GRIA3: variants seen among roughly 807,000 people sequenced by gnomAD.
GRIA3 encodes glutamate receptor 3.
In GRIA3, 3 loss-of-function variants were observed where a neutral mutation model predicts 63.0. The observed-to-expected ratio is 0.05, with a 90% confidence interval of 0.02 to 0.12. GRIA3 has a LOEUF of 0.12. Among genes scored for constraint, GRIA3 ranks in the 10% least tolerant of loss-of-function variants. The pLI, the probability that GRIA3 is intolerant of heterozygous loss-of-function variation, is 1.00. For synonymous variants in GRIA3, 274 were observed against 257.9 expected, an observed-to-expected ratio of 1.06 and a Z score of -0.60; for missense variants, 347 against 700.9, an observed-to-expected ratio of 0.50 and a Z score of 5.70.
intron 3 of GRIA3, among the ~76,000 whole-genome samples, chrX:123,270,437 C>A (rs2044514039): frequency 8.9e-6 from 1 of 112,330 alleles, no homozygotes; most frequent in African/African-American, 3.2e-5. Flanking sequence ...ACTGACAGCC[C>A]ACATAAATCT....
intron 5 of GRIA3, among the ~76,000 whole-genome samples, chrX:123,385,255 T>C (rs1219801991): frequency 8.9e-6 from 1 of 112,214 alleles, no homozygotes; most frequent in Non-Finnish European, 1.9e-5. Context: ...TTGAATAGGG[T>C]ATCCTTTCAC....
At chrX:123,299,857 G>C (rs373588926) in intron 3 of GRIA3, among the ~76,000 whole-genome samples, 45 of 111,391 alleles carry the variant, frequency 4.0e-4, no homozygotes, top group African/African-American at 1.1e-3. Context: ...TATGACATTG[G>C]CTGTGGGTTT....
chrX:123,236,995 G>T (rs939259850), intron 2 of GRIA3, among the ~76,000 whole-genome samples: 1 of 111,954 alleles, frequency 8.9e-6, no homozygotes. Context: ...CAAAATGGGG[G>T]CTTCAGGCCA....
chrX:123,458,643 G>A (rs1003564193), intron 12 of GRIA3, among the ~76,000 whole-genome samples: 2 of 111,490 alleles, frequency 1.8e-5, no homozygotes, highest in Admixed American at 9.5e-5. Context: ...TGACCAAGTG[G>A]ATATCCTATT....
chrX:123,233,746 A>G (rs181443949), intron 2 of GRIA3, among the ~76,000 whole-genome samples: 42 of 111,712 alleles, frequency 3.8e-4, no homozygotes, highest in Non-Finnish European at 6.0e-4. Context: ...TACCTAAGAC[A>G]TTTTATGCTT....
intron 5 of GRIA3, among the ~76,000 whole-genome samples, chrX:123,383,374 CTT>C (rs1349851300): frequency 9.0e-6 from 1 of 111,241 alleles, no homozygotes. Context: ...AACAAGAGAA[CTT>C]TTCCCTTCTA....
At chrX:123,463,766 A>AG (rs1569440995) in intron 12 of GRIA3, among the ~76,000 whole-genome samples, 3,261 of 100,915 alleles carry the variant, frequency 0.032, 370 homozygotes, top group African/African-American at 0.13. Flanking sequence ...AGAAAGAAAG[A>AG]AGAGAAAGAA....
At chrX:123,350,554 A>C (rs2045087341) in intron 4 of GRIA3, among the ~76,000 whole-genome samples, 1 of 112,399 alleles carries the variant, frequency 8.9e-6, no homozygotes, top group Admixed American at 9.4e-5. Flanking sequence ...TAAACATTAA[A>C]TTGAAAAGGA....
intron 3 of GRIA3, among the ~76,000 whole-genome samples, chrX:123,272,905 T>C (rs1428143978): frequency 9.0e-6 from 1 of 111,481 alleles, no homozygotes; most frequent in African/African-American, 3.3e-5. Flanking sequence ...AGAGGGAGGA[T>C]AATTTCCTCT....
intron 3 of GRIA3, among the ~76,000 whole-genome samples, chrX:123,269,529 C>A (rs2044508033): frequency 9.0e-6 from 1 of 111,699 alleles, no homozygotes; most frequent in African/African-American, 3.3e-5. Context: ...TTTTGGTTTT[C>A]TTCTATGAGA....
chrX:123,249,714 G>C (rs1366734679), intron 2 of GRIA3, among the ~76,000 whole-genome samples: 1 of 111,729 alleles, frequency 9.0e-6, no homozygotes, highest in Non-Finnish European at 1.9e-5. Flanking sequence ...AAAGACAGTG[G>C]ATCTGCCTTT....
chrX:123,351,604 G>A (rs1038133889), intron 4 of GRIA3, among the ~76,000 whole-genome samples: 2 of 111,537 alleles, frequency 1.8e-5, no homozygotes, highest in East Asian at 2.8e-4. Context: ...ATGTTGTCTC[G>A]TTTTCTCATC....
intron 3 of GRIA3, among the ~76,000 whole-genome samples, chrX:123,318,918 G>T (rs977104474): frequency 8.9e-6 from 1 of 112,021 alleles, no homozygotes; most frequent in Non-Finnish European, 1.9e-5. Context: ...TAATATGGAC[G>T]TACAGTTCCA....
chrX:123,426,496 T>C (rs2045590526), intron 11 of GRIA3, among the ~76,000 whole-genome samples: 1 of 112,041 alleles, frequency 8.9e-6, no homozygotes, highest in Non-Finnish European at 1.9e-5. Context: ...TCTTGAAGCC[T>C]AGGCAAGGTT....
intron 2 of GRIA3, among the ~76,000 whole-genome samples, chrX:123,193,053 G>T (rs141257208): frequency 9.1e-6 from 1 of 109,824 alleles, no homozygotes; most frequent in Non-Finnish European, 1.9e-5. Context: ...TCCAAAGAAG[G>T]TTCTGTAAGA....
intron 11 of GRIA3, among the ~76,000 whole-genome samples, chrX:123,419,171 G>A (rs958971803): frequency 8.9e-6 from 1 of 111,851 alleles, no homozygotes; most frequent in Non-Finnish European, 1.9e-5. Context: ...ACTTTGGGAG[G>A]CCAAGGCAGG....
At chrX:123,353,887 G>T (rs1471153469) in intron 4 of GRIA3, among the ~76,000 whole-genome samples, 1 of 111,086 alleles carries the variant, frequency 9.0e-6, no homozygotes, top group Non-Finnish European at 1.9e-5. Flanking sequence ...TCCTCAGTTA[G>T]CCAGAGTTTT....
intron 2 of GRIA3, among the ~76,000 whole-genome samples, chrX:123,219,849 G>GA (rs1928248866): frequency 8.9e-6 from 1 of 112,674 alleles, no homozygotes; most frequent in Non-Finnish European, 1.9e-5. Context: ...GTGTGGCCAT[G>GA]AATGTGGACC....
At chrX:123,324,626 C>T (rs1275149892) in intron 3 of GRIA3, among the ~76,000 whole-genome samples, 1 of 111,848 alleles carries the variant, frequency 8.9e-6, no homozygotes, top group East Asian at 2.8e-4. Context: ...AAAGAATTAA[C>T]ATTTAAAGCA....
Sources: gnomAD v4.1 joint callset for allele counts (sites outside exome capture counted in the v4.1 genomes callset) on GRCh38, gnomAD v4.1.1 for gene constraint, MANE v1.5 for transcripts, NCBI Gene and HGNC (gene_info 2026-07-23, HGNC 2026-07-21) for gene names.